CD93: variants seen among roughly 807,000 people sequenced by gnomAD.
CD93 encodes the protein complement component C1q receptor.
CD93 carries 44 observed loss-of-function variants against 45.5 expected under a neutral mutation model. The observed-to-expected ratio is 0.97, with a 90% CI of 0.76 to 1.24. The LOEUF (loss-of-function observed/expected upper bound fraction) is 1.24, where lower values mean the gene tolerates loss of function less well. Ranked by LOEUF, CD93 falls within the 50% of genes most tolerant of loss-of-function variation. The probability of loss-of-function intolerance (pLI) is 0.00; values close to 1 mark genes in which losing one functional copy is unlikely to be tolerated. For missense variants in CD93, 918 were observed against 844.5 expected (o/e 1.09, Z -1.08); for synonymous variants, 431 against 370.8 (o/e 1.16, Z -1.87).
rs915625218 is a variant in CD93, at chr20:23,080,642, C to G, written c.*3308G>C. 1 of 152,252 alleles carries G rather than the reference C, an allele frequency of 6.6e-6. No homozygotes were observed. The highest frequency in any genetic ancestry group is 1.5e-5 in the Non-Finnish European group (1 of 68,046). 9.4% of individuals were successfully genotyped at this position (152,252 alleles called of 1,614,324 possible). On this transcript the variant is annotated 3_prime_UTR_variant, in exon 2 of 2. Coordinates refer to ENST00000246006, the MANE Select transcript of CD93 (RefSeq NM_012072.4). ...GTGACCGCAGCCCACTTCCCCACAT[C>G]CTTAATCAGAGCCTCATGCAGTTCA...
In CD93 at chr20:23,083,416, T is replaced by A. The variant is rs1985377675; in HGVS notation, c.*534A>T. On this transcript the variant is annotated 3_prime_UTR_variant, in exon 2 of 2. Coordinates refer to ENST00000246006, the MANE Select transcript of CD93 (RefSeq NM_012072.4). ...GTATCACATTTAGCAAGACTTGTGC[T>A]GGCGAAATGGAGGAATGCAAATGTA... 1 of 155,458 alleles carries A rather than the reference T, an allele frequency of 6.4e-6. No individual in the cohort carries two copies. Among genetic ancestry groups the A allele is most frequent in the African/African-American group, 2.4e-5 (1 of 41,510 alleles). The allele number at this position is 155,458 out of a possible 1,614,324, so 9.6% of individuals were successfully genotyped here.
rs1271874075 is a variant in CD93, at chr20:23,081,056, T to A, written c.*2894A>T. ...TCTTTACATTGTCTGCTTTGAGATG[T>A]GGGATGAGGGGAGGGAGAGAGTTGG... On this transcript the variant is annotated 3_prime_UTR_variant, in exon 2 of 2. Transcript: ENST00000246006. 2 of 152,160 alleles carry A rather than the reference T, an allele frequency of 1.3e-5. No individual in the cohort carries two copies. The highest frequency in any genetic ancestry group is 2.9e-5 in the Non-Finnish European group (2 of 68,038). 9.4% of individuals were successfully genotyped at this position (152,160 alleles called of 1,614,324 possible). A position where few individuals can be genotyped will look rare whatever the true frequency, so the allele number is the denominator to read the frequency against.
rs773701269 is a variant in CD93, at chr20:23,081,533, T to C, written c.*2417A>G. 2.0e-5 allele frequency: 3 copies of C among 152,266 alleles called. No individual in the cohort carries two copies. The highest frequency in any genetic ancestry group is 1.9e-4 in the East Asian group (1 of 5,196). The allele number at this position is 152,266 out of a possible 1,614,324, so 9.4% of individuals were successfully genotyped here. A position where few individuals can be genotyped will look rare whatever the true frequency, so the allele number is the denominator to read the frequency against. On this transcript the variant is annotated 3_prime_UTR_variant, in exon 2 of 2. Coordinates refer to ENST00000246006, the MANE Select transcript of CD93 (RefSeq NM_012072.4). ...CACAACCTGAGCTGTCTGGTTGGGTTGCTGGCTCTCCCCCCGTGGTGGGAG... is the reference window on the plus strand; with the variant it reads ...CACAACCTGAGCTGTCTGGTTGGGTCGCTGGCTCTCCCCCCGTGGTGGGAG...
In CD93 at chr20:23,084,879, G is replaced by A; in HGVS notation, c.1314C>T (p.Leu438=). ...GTGTGTTGAAGCACAAGCTGTCGCA[G>A]AGGGGGCCCCCCGGGCCCACACACT... The part of the protein sequence containing the change: ...VDECVGPGGP[L]CDSLCFNTQG... The change falls in exon 1 of 2, where the codon CTC becomes CTT. Residue 438 remains leucine (L), a synonymous_variant. Transcript: ENST00000246006. 1.2e-6 allele frequency: 2 copies of A among 1,613,146 alleles called. No individual in the cohort carries two copies. Among genetic ancestry groups the A allele is most frequent in the Non-Finnish European group, 1.7e-6 (2 of 1,179,872 alleles).
Position 23,082,568 on chromosome 20 carries a change from T to TGTGTGTGTGTGTGTGTGA in CD93, c.*1381_*1382insTCACACACACACACACAC, listed in dbSNP as rs1031201898. 1 of 146,864 alleles carries TGTGTGTGTGTGTGTGTGA rather than the reference T, an allele frequency of 6.8e-6. No homozygotes were observed. Among genetic ancestry groups the TGTGTGTGTGTGTGTGTGA allele is most frequent in the African/African-American group, 2.6e-5 (1 of 38,326 alleles). The allele number at this position is 146,864 out of a possible 1,614,324, so 9.1% of individuals were successfully genotyped here. On this transcript the variant is annotated 3_prime_UTR_variant, in exon 2 of 2. Coordinates refer to ENST00000246006, the MANE Select transcript of CD93 (RefSeq NM_012072.4). The stretch of plus-strand genomic sequence containing the variant: ...GTGTGTGTGTGTGTGTGTGTGTGTG[T>TGTGTGTGTGTGTGTGTGA]GAGAGAGAGAGAGAGAGAGAAAGAG...
In CD93 at chr20:23,085,334, A is replaced by T; in HGVS notation, c.859T>A (p.Cys287Ser). Residue 287 changes from cysteine (C) to serine (S), a missense_variant, in exon 1 of 2, where the codon TGC becomes AGC. Transcript: ENST00000246006. Reference protein sequence around the residue: ...EGGDGSFLCGCRPGFRLLDDL... With the variant: ...EGGDGSFLCGSRPGFRLLDDL... The stretch of plus-strand genomic sequence containing the variant: ...TCCAGCAGCCGGAATCCTGGTCGGC[A>T]GCCGCAGAGGAAGGAGCCATCCCCC... 6.2e-7 allele frequency: 1 copy of T among 1,614,070 alleles called. No individual in the cohort carries two copies. The highest frequency in any genetic ancestry group is 8.5e-7 in the Non-Finnish European group (1 of 1,180,030).
Position 23,084,581 on chromosome 20 carries a change from T to G in CD93, c.1612A>C (p.Ser538Arg). The change falls in exon 1 of 2, where the codon AGT becomes CGT. Residue 538 changes from serine (S) to arginine (R), a missense_variant. Coordinates refer to ENST00000246006, the MANE Select transcript of CD93 (RefSeq NM_012072.4). Reference protein sequence around the residue: ...TSAPLKMLAPSGSPGVWREPS... With the variant: ...TSAPLKMLAPRGSPGVWREPS... ...TCCCTCCAGACGCCTGGGGACCCAC[T>G]GGGGGCCAGCATCTTGAGTGGGGCA... The G allele has an allele frequency of 1.9e-6, 3 of 1,613,356 alleles. No individual in the cohort carries two copies. The highest frequency in any genetic ancestry group is 1.1e-5 in the South Asian group (1 of 91,068).
chr20:23,086,145 G>T lies in CD93; in HGVS notation c.48C>A (p.Thr16=). ...CAGCTCCCGTCCCCGCCCCGGGCTG[G>T]GTCAGGAGCAGCAGCAGCAGCAGCA... ...GLLLLLLLLL[T]QPGAGTGADT... is the part of the protein sequence containing the mutation. The change falls in exon 1 of 2, where the codon ACC becomes ACA. Residue 16 remains threonine (T), a synonymous_variant. Coordinates refer to ENST00000246006, the MANE Select transcript of CD93 (RefSeq NM_012072.4). 1 of 1,576,160 alleles carries T rather than the reference G, an allele frequency of 6.3e-7. No homozygotes were observed. Among genetic ancestry groups the T allele is most frequent in the Non-Finnish European group, 8.6e-7 (1 of 1,168,476 alleles).
rs1318541543 is a variant in CD93, at chr20:23,079,607, A to T, written c.*4343T>A. 1 of 152,232 alleles carries T rather than the reference A, an allele frequency of 6.6e-6. No individual in the cohort carries two copies. The highest frequency in any genetic ancestry group is 1.5e-5 in the Non-Finnish European group (1 of 68,046). 9.4% of individuals were successfully genotyped at this position (152,232 alleles called of 1,614,324 possible). A position where few individuals can be genotyped will look rare whatever the true frequency, so the allele number is the denominator to read the frequency against. On this transcript the variant is annotated 3_prime_UTR_variant, in exon 2 of 2. Transcript: ENST00000246006. Reference sequence around the variant, plus strand: ...AATACACACATTTAAAAATACTTACATTCTCATTTAGCATTCATGAAGTGA... The same window carrying T: ...AATACACACATTTAAAAATACTTACTTTCTCATTTAGCATTCATGAAGTGA...
rs55832585 is a variant in CD93, at chr20:23,084,062, C to T, written c.1935-88G>A. The T allele has an allele frequency of 2.4e-3, 3,718 of 1,530,946 alleles. 88 individuals carry two copies. The African/African-American group carries it at 0.046, about 19-fold the overall frequency. The allele number at this position is 1,530,946 out of a possible 1,614,324, so 94.8% of individuals were successfully genotyped here. ...CTTGGGAGAGAGCCCCACGTGCGGC[C>T]GTGCTGCAGATGGGCAGTATGCTCT... is the stretch of plus-strand genomic sequence containing the variant. On this transcript the variant is annotated intron_variant, in intron 1 of 1. Transcript: ENST00000246006.
At position 23,080,641 on chromosome 20, in the gene CD93, T is replaced by C. The variant is rs1568675408; in HGVS notation, c.*3309A>G. ...AGTGACCGCAGCCCACTTCCCCACATCCTTAATCAGAGCCTCATGCAGTTC... is the reference window on the plus strand; with the variant it reads ...AGTGACCGCAGCCCACTTCCCCACACCCTTAATCAGAGCCTCATGCAGTTC... On this transcript the variant is annotated 3_prime_UTR_variant, in exon 2 of 2. Coordinates refer to ENST00000246006, the MANE Select transcript of CD93 (RefSeq NM_012072.4). 6.6e-6 allele frequency: 1 copy of C among 152,174 alleles called. No individual in the cohort carries two copies. Among genetic ancestry groups the C allele is most frequent in the Non-Finnish European group, 1.5e-5 (1 of 68,028 alleles). 9.4% of individuals were successfully genotyped at this position (152,174 alleles called of 1,614,324 possible).
rs1985429546 is a variant in CD93, at chr20:23,084,798, G to A, written c.1395C>T (p.Val465=). Residue 465 remains valine (V), a synonymous_variant, in exon 1 of 2, where the codon GTC becomes GTT. Coordinates refer to ENST00000246006, the MANE Select transcript of CD93 (RefSeq NM_012072.4). Reference sequence around the variant, plus strand: ...GAGACACAGGCCCCATGGTGCAAGAGACCCCATTTGGGGCCAGCACCCAGC... The same window carrying A: ...GAGACACAGGCCCCATGGTGCAAGAAACCCCATTTGGGGCCAGCACCCAGC... ...LPGWVLAPNG[V]SCTMGPVSLG... 1.2e-6 allele frequency: 2 copies of A among 1,613,292 alleles called. No homozygotes were observed. The highest frequency in any genetic ancestry group is 8.5e-7 in the Non-Finnish European group (1 of 1,179,980).
At position 23,083,644 on chromosome 20, in the gene CD93, C is replaced by A. The variant is rs1043783054; in HGVS notation, c.*306G>T. On this transcript the variant is annotated 3_prime_UTR_variant, in exon 2 of 2. Coordinates refer to ENST00000246006, the MANE Select transcript of CD93 (RefSeq NM_012072.4). ...ATTCAGGGGAGCCCCTTAGCCCCGGCCTCCTCACACCCTGATCCGGAATTG... is the reference window on the plus strand; with the variant it reads ...ATTCAGGGGAGCCCCTTAGCCCCGGACTCCTCACACCCTGATCCGGAATTG... The A allele has an allele frequency of 2.1e-6, 1 of 475,230 alleles. No individual in the cohort carries two copies. Among genetic ancestry groups the A allele is most frequent in the South Asian group, 2.6e-5 (1 of 38,872 alleles). The allele number at this position is 475,230 out of a possible 1,614,324, so 29.4% of individuals were successfully genotyped here.
In CD93 at chr20:23,080,805, C is replaced by G. The variant is rs1029526041; in HGVS notation, c.*3145G>C. The G allele has an allele frequency of 6.6e-6, 1 of 152,242 alleles. No individual in the cohort carries two copies. Among genetic ancestry groups the G allele is most frequent in the South Asian group, 2.1e-4 (1 of 4,826 alleles). The allele number at this position is 152,242 out of a possible 1,614,324, so 9.4% of individuals were successfully genotyped here. A position where few individuals can be genotyped will look rare whatever the true frequency, so the allele number is the denominator to read the frequency against. On this transcript the variant is annotated 3_prime_UTR_variant, in exon 2 of 2. Transcript: ENST00000246006. ...AGATGTGGTTGGTCTTGCCTGGAAGCCAAGCTGTTGAGCAGGGGTGGAGTC... is the reference window on the plus strand; with the variant it reads ...AGATGTGGTTGGTCTTGCCTGGAAGGCAAGCTGTTGAGCAGGGGTGGAGTC...
Position 23,084,344 on chromosome 20 carries a change from T to C in CD93, c.1849A>G (p.Lys617Glu), listed in dbSNP as rs1194947974. 1.2e-6 allele frequency: 2 copies of C among 1,614,188 alleles called. No homozygotes were observed. The highest frequency in any genetic ancestry group is 2.2e-5 in the East Asian group (1 of 44,882). Residue 617 changes from lysine (K) to glutamate (E), a missense_variant, in exon 1 of 2, where the codon AAG (lysine) becomes GAG (glutamate). Coordinates refer to ENST00000246006, the MANE Select transcript of CD93 (RefSeq NM_012072.4). Reference sequence around the variant, plus strand: ...GCCGCATTCTGGGGCTTCTTCTCCTTCTTCTCCTCCCTCTTCGCTCTCCGC... The same window carrying C: ...GCCGCATTCTGGGGCTTCTTCTCCTCCTTCTCCTCCCTCTTCGCTCTCCGC... ...RKRRAKREEKKEKKPQNAADS... is the reference protein window; with the variant it reads ...RKRRAKREEKEEKKPQNAADS...
chr20:23,082,638 T>A lies in CD93; in HGVS notation c.*1312A>T, dbSNP rs1327968067. On this transcript the variant is annotated 3_prime_UTR_variant, in exon 2 of 2. Transcript: ENST00000246006. Reference sequence around the variant, plus strand: ...TATCATAGGGAGAAATATTTGCAAATGTAACTTTTAAAATGAGGATATAAT... The same window carrying A: ...TATCATAGGGAGAAATATTTGCAAAAGTAACTTTTAAAATGAGGATATAAT... 1 of 152,004 alleles carries A rather than the reference T, an allele frequency of 6.6e-6. No homozygotes were observed. Among genetic ancestry groups the A allele is most frequent in the Non-Finnish European group, 1.5e-5 (1 of 68,000 alleles). The allele number at this position is 152,004 out of a possible 1,614,324, so 9.4% of individuals were successfully genotyped here.
Position 23,085,898 on chromosome 20 carries a change from G to T in CD93, c.295C>A (p.Arg99=). The change falls in exon 1 of 2, where the codon CGA becomes AGA. Residue 99 remains arginine, a synonymous_variant. Transcript: ENST00000246006. ...GGGTCCAGGCACTTGCCCTTCTCTC[G>T]CTGGAGCCCAATCCAGAACTTGCTC... ...RMSKFWIGLQ[R]EKGKCLDPSL... is the part of the protein sequence containing the mutation. 1 of 1,552,784 alleles carries T rather than the reference G, an allele frequency of 6.4e-7. No individual in the cohort carries two copies. Among genetic ancestry groups the T allele is most frequent in the Non-Finnish European group, 8.7e-7 (1 of 1,149,836 alleles).
chr20:23,083,721 C>T lies in CD93; in HGVS notation c.*229G>A, dbSNP rs1474823587. ...GGGAGTAACAATCATTATAGAGTCA[C>T]GAAATCCCCACCGTGGCACGCCAAC... On this transcript the variant is annotated 3_prime_UTR_variant, in exon 2 of 2. Coordinates refer to ENST00000246006, the MANE Select transcript of CD93 (RefSeq NM_012072.4). 6 of 595,870 alleles carry T rather than the reference C, an allele frequency of 1.0e-5. No individual in the cohort carries two copies. The highest frequency in any genetic ancestry group is 1.5e-5 in the Non-Finnish European group (5 of 331,640). 36.9% of individuals were successfully genotyped at this position (595,870 alleles called of 1,614,324 possible). A position where few individuals can be genotyped will look rare whatever the true frequency, so the allele number is the denominator to read the frequency against.
In CD93 at chr20:23,082,812, G is replaced by A. The variant is rs976378944; in HGVS notation, c.*1138C>T. On this transcript the variant is annotated 3_prime_UTR_variant, in exon 2 of 2. Transcript: ENST00000246006. ...AACTGCCTGACTAGCTCCCTACTTG[G>A]TGTGTGCGCCACCCACACTTCAGGA... is the stretch of plus-strand genomic sequence containing the variant. The A allele has an allele frequency of 7.2e-5, 11 of 152,582 alleles. No individual in the cohort carries two copies. The highest frequency in any genetic ancestry group is 2.7e-4 in the African/African-American group (11 of 41,422). 9.5% of individuals were successfully genotyped at this position (152,582 alleles called of 1,614,324 possible). A position where few individuals can be genotyped will look rare whatever the true frequency, so the allele number is the denominator to read the frequency against.
Sources: gnomAD v4.1 joint callset for allele counts on GRCh38, gnomAD v4.1.1 for gene constraint, MANE v1.5 for transcripts, NCBI Gene and HGNC (gene_info 2026-07-23, HGNC 2026-07-21) for gene names.